The following ERC2 variants were observed in gnomAD, a reference collection of about 807,000 sequenced individuals.
The protein encoded by ERC2 is ERC protein 2.
ERC2 carries 42 observed loss-of-function variants against 114.8 expected under a neutral mutation model. That is an observed-to-expected ratio of 0.37 (90% CI 0.29 to 0.47). The LOEUF is 0.47. ERC2 is among the 20% of genes least tolerant of loss of function. The pLI is 0.99. For missense variants in ERC2, 939 were observed against 1,150.7 expected (o/e 0.82, Z 2.66); for synonymous variants, 454 against 425.5 (o/e 1.07, Z -0.82).
chr3:55,858,786 G>C (rs1301704657), intron 14 of ERC2, among the ~76,000 whole-genome samples: 1 of 152,160 alleles, frequency 6.6e-6, no homozygotes, highest in Non-Finnish European at 1.5e-5. Flanking sequence ...GTCCGGGCCA[G>C]CCTCAACACC....
intron 17 of ERC2, among the ~76,000 whole-genome samples, chr3:55,605,418 C>T (rs1216617104): frequency 2.0e-5 from 3 of 152,200 alleles, no homozygotes; most frequent in Non-Finnish European, 4.4e-5. Flanking sequence ...AAACAAACAA[C>T]AGAAATAATC....
intron 14 of ERC2, among the ~76,000 whole-genome samples, chr3:55,768,829 G>C (rs566264511): frequency 2.6e-5 from 4 of 152,266 alleles, no homozygotes; most frequent in East Asian, 1.9e-4. Context: ...TGGGGGTTGG[G>C]TTTTACTTTA....
At chr3:56,054,199 T>C (rs781481670) in intron 7 of ERC2, among the ~76,000 whole-genome samples, 3 of 152,208 alleles carry the variant, frequency 2.0e-5, no homozygotes, top group Non-Finnish European at 4.4e-5. Flanking sequence ...TCCCGACCCA[T>C]TGCTTTTTAG....
chr3:55,955,293 T>C (rs2067877071), intron 12 of ERC2: 1 of 410,284 alleles, frequency 2.4e-6, no homozygotes, highest in Non-Finnish European at 4.9e-6. Flanking sequence ...TGTGTGTAAG[T>C]GGGGTATAAA....
intron 17 of ERC2, among the ~76,000 whole-genome samples, chr3:55,664,233 G>C (rs1296008184): frequency 1.3e-5 from 2 of 152,034 alleles, no homozygotes; most frequent in African/African-American, 2.4e-5. Flanking sequence ...AGACCTAATG[G>C]AATCAGAATC....
At chr3:56,456,216 A>C (rs1036599253) in intron 1 of ERC2, among the ~76,000 whole-genome samples, 58 of 152,204 alleles carry the variant, frequency 3.8e-4, no homozygotes, top group African/African-American at 1.4e-3. Flanking sequence ...ATCCTTTGCC[A>C]AATGCCATTT....
intron 2 of ERC2, among the ~76,000 whole-genome samples, chr3:56,326,512 C>A (rs1176501409): frequency 6.6e-6 from 1 of 152,242 alleles, no homozygotes; most frequent in African/African-American, 2.4e-5. Flanking sequence ...ACAGAACCCT[C>A]TCTAAAGCTG....
chr3:55,805,276 C>G (rs559399891), intron 14 of ERC2, among the ~76,000 whole-genome samples: 3 of 152,144 alleles, frequency 2.0e-5, no homozygotes, highest in African/African-American at 7.2e-5. Context: ...TCTGTGCCCT[C>G]CCCATCCCAT....
chr3:56,045,091 C>G (rs527537928), intron 7 of ERC2, among the ~76,000 whole-genome samples: 1 of 152,230 alleles, frequency 6.6e-6, no homozygotes, highest in South Asian at 2.1e-4. Context: ...AACTGAAGCT[C>G]ACTATCAATA....
At chr3:55,654,673 G>A (rs2060781349) in intron 17 of ERC2, among the ~76,000 whole-genome samples, 1 of 152,210 alleles carries the variant, frequency 6.6e-6, no homozygotes, top group Admixed American at 6.5e-5. Context: ...CCTGCAAGGA[G>A]CTCACATCTC....
chr3:55,799,684 A>T (rs954423997), intron 14 of ERC2, among the ~76,000 whole-genome samples: 2 of 151,980 alleles, frequency 1.3e-5, no homozygotes, highest in African/African-American at 4.8e-5. Flanking sequence ...TCTCTCCCAT[A>T]GTAAGGATGC....
At chr3:55,866,217 C>A (rs1214787033) in intron 14 of ERC2, among the ~76,000 whole-genome samples, 3 of 152,104 alleles carry the variant, frequency 2.0e-5, no homozygotes, top group Admixed American at 1.3e-4. Context: ...TAACTTTAAG[C>A]ATCTTTTCAT....
chr3:56,196,312 A>G (rs1236763776), intron 3 of ERC2, among the ~76,000 whole-genome samples: 2 of 152,180 alleles, frequency 1.3e-5, no homozygotes, highest in Non-Finnish European at 2.9e-5. Flanking sequence ...TTGATTAAAC[A>G]TATGAGATAA....
chr3:55,638,209 T>C (rs2060032810), intron 17 of ERC2, among the ~76,000 whole-genome samples: 1 of 152,234 alleles, frequency 6.6e-6, no homozygotes, highest in Non-Finnish European at 1.5e-5. Context: ...AAAATCAGGA[T>C]AATTTTCCAT....
intron 17 of ERC2, among the ~76,000 whole-genome samples, chr3:55,642,364 T>G (rs996211142): frequency 2.0e-5 from 3 of 148,054 alleles, no homozygotes; most frequent in Non-Finnish European, 4.5e-5. Flanking sequence ...TGACAGAGTC[T>G]TGCTCTGTCG....
rs976080060 is a variant in ERC2 at position 55,509,622 on chromosome 3, C to T, written c.*1694G>A. 3 of 152,510 alleles carry T rather than the reference C, an allele frequency of 2.0e-5. No individual in the cohort carries two copies. Among genetic ancestry groups the T allele is most frequent in the South Asian group, 2.1e-4 (1 of 4,810 alleles). The allele number at this position is 152,510 out of a possible 1,614,324, so 9.4% of individuals were successfully genotyped here. Reference sequence around the variant, plus strand: ...AAGAAACCTGCTTGAGTATCTTAACCGCGAATGCACCAAGAAAGAATGGTG... The same window carrying T: ...AAGAAACCTGCTTGAGTATCTTAACTGCGAATGCACCAAGAAAGAATGGTG... On this transcript the variant is annotated 3_prime_UTR_variant, in exon 18 of 18. Transcript: ENST00000288221.
intron 2 of ERC2, among the ~76,000 whole-genome samples, chr3:56,333,431 A>G (rs1393856562): frequency 6.6e-6 from 1 of 152,268 alleles, no homozygotes; most frequent in Non-Finnish European, 1.5e-5. Flanking sequence ...GAAGCAGGGA[A>G]TAACAATAAT....
intron 7 of ERC2, among the ~76,000 whole-genome samples, chr3:56,062,529 C>G (rs542295166): frequency 6.6e-6 from 1 of 152,140 alleles, no homozygotes; most frequent in African/African-American, 2.4e-5. Flanking sequence ...ATGCTGATTA[C>G]AAAAAATAAT....
At chr3:55,598,992 C>G (rs1575714824) in intron 17 of ERC2, among the ~76,000 whole-genome samples, 1 of 152,210 alleles carries the variant, frequency 6.6e-6, no homozygotes, top group African/African-American at 2.4e-5. Flanking sequence ...GGATTGGCAG[C>G]TACTTGAAGA....
Sources: allele counts gnomAD v4.1 joint callset (sites outside exome capture counted in the v4.1 genomes callset), GRCh38; gene constraint gnomAD v4.1.1; transcripts MANE v1.5; gene names NCBI Gene and HGNC (gene_info 2026-07-23, HGNC 2026-07-21).